Variants in ZBTB44 observed in about 807,000 individuals in gnomAD.
ZBTB44 encodes zinc finger and BTB domain-containing protein 44.
ZBTB44 carries 15 observed loss-of-function variants against 54.0 expected under a neutral mutation model. That is an observed-to-expected ratio of 0.28 (90% CI 0.19 to 0.43). ZBTB44 has a LOEUF of 0.43. Among genes scored for constraint, ZBTB44 ranks in the 20% least tolerant of loss-of-function variants. The pLI is 1.00. For missense variants in ZBTB44, 487 were observed against 707.1 expected, an observed-to-expected ratio of 0.69 and a Z score of 3.53; for synonymous variants, 230 against 250.1, an observed-to-expected ratio of 0.92 and a Z score of 0.76.
chr11:130,312,269 T>C (rs1432255499), intron 1 of ZBTB44, among the ~76,000 whole-genome samples: 2 of 152,164 alleles, frequency 1.3e-5, no homozygotes, highest in Non-Finnish European at 2.9e-5. Flanking sequence ...GTCCAAGTTT[T>C]ACCCCAAGAT....
At chr11:130,255,170 A>C (rs1169049441) in intron 2 of ZBTB44, among the ~76,000 whole-genome samples, 1 of 152,166 alleles carries the variant, frequency 6.6e-6, no homozygotes. Flanking sequence ...ACATGTATAC[A>C]TATGTAACAA....
intron 1 of ZBTB44, among the ~76,000 whole-genome samples, chr11:130,294,784 T>G (rs181604817): frequency 3.9e-5 from 6 of 152,270 alleles, no homozygotes; most frequent in African/African-American, 1.4e-4. Context: ...ATATCTGCTA[T>G]TCACATCATA....
chr11:130,281,289 G>C (rs1940478420), intron 1 of ZBTB44, among the ~76,000 whole-genome samples: 1 of 152,088 alleles, frequency 6.6e-6, no homozygotes, highest in African/African-American at 2.4e-5. Context: ...GGAGGCCGAG[G>C]TGGGAGGATC....
intron 1 of ZBTB44, among the ~76,000 whole-genome samples, chr11:130,298,991 G>A (rs1941840974): frequency 6.6e-6 from 1 of 152,044 alleles, no homozygotes; most frequent in African/African-American, 2.4e-5. Flanking sequence ...GCAGAGGTGA[G>A]AGGATTTGTT....
rs1953756738 is a variant in ZBTB44, at chr11:130,228,263, A to AT, written c.*3500_*3501insA. 6.6e-6 allele frequency: 1 copy of AT among 152,172 alleles called. No individual in the cohort carries two copies. Among genetic ancestry groups the AT allele is most frequent in the Non-Finnish European group, 1.5e-5 (1 of 68,034 alleles). The allele number at this position is 152,172 out of a possible 1,614,324, so 9.4% of individuals were successfully genotyped here. Reference sequence around the variant, plus strand: ...TTTTTAAAAAATACCTTGAGATATAAGCATTAGAAGTCATCACTTTGTACA... The same window carrying AT: ...TTTTTAAAAAATACCTTGAGATATAATGCATTAGAAGTCATCACTTTGTACA... On this transcript the variant is annotated 3_prime_UTR_variant, in exon 8 of 8. Transcript: ENST00000357899.
intron 2 of ZBTB44, among the ~76,000 whole-genome samples, chr11:130,243,714 C>T (rs1356787524): frequency 6.6e-6 from 1 of 152,192 alleles, no homozygotes; most frequent in Non-Finnish European, 1.5e-5. Flanking sequence ...CGCTAGGTCA[C>T]TGAATACATT....
At chr11:130,274,221 T>C (rs1393247203) in intron 1 of ZBTB44, among the ~76,000 whole-genome samples, 1 of 152,218 alleles carries the variant, frequency 6.6e-6, no homozygotes, top group Non-Finnish European at 1.5e-5. Context: ...GAGCGTCATG[T>C]TGGTGCTCAA....
chr11:130,234,289 A>G lies in ZBTB44; in HGVS notation c.1569-16T>C. The stretch of plus-strand genomic sequence containing the variant: ...TAGGAAATCACTAGATAAGAGGCAA[A>G]GGATGAAATATGGAATTAATTTTCA... On this transcript the variant is annotated splice_polypyrimidine_tract_variant and intron_variant, in intron 5 of 7. Transcript: ENST00000357899. The G allele has an allele frequency of 6.6e-7, 1 of 1,514,722 alleles. No individual in the cohort carries two copies. Among genetic ancestry groups the G allele is most frequent in the Non-Finnish European group, 8.8e-7 (1 of 1,130,336 alleles). 93.8% of individuals were successfully genotyped at this position (1,514,722 alleles called of 1,614,324 possible). A position where few individuals can be genotyped will look rare whatever the true frequency, so the allele number is the denominator to read the frequency against.
intron 1 of ZBTB44, among the ~76,000 whole-genome samples, chr11:130,276,350 A>G (rs1940097111): frequency 6.6e-6 from 1 of 151,830 alleles, no homozygotes; most frequent in Admixed American, 6.6e-5. Flanking sequence ...TTGCTGGGTG[A>G]AGTGTTCCAT....
intron 5 of ZBTB44, among the ~76,000 whole-genome samples, chr11:130,235,578 G>C (rs1280283923): frequency 1.3e-5 from 2 of 152,052 alleles, no homozygotes; most frequent in African/African-American, 4.8e-5. Flanking sequence ...GACCTCAGGA[G>C]TTCGAGGCTG....
At chr11:130,311,098 C>T (rs754910293) in intron 1 of ZBTB44, among the ~76,000 whole-genome samples, 19 of 152,040 alleles carry the variant, frequency 1.2e-4, no homozygotes, top group Non-Finnish European at 2.4e-4. Context: ...AGTCTAAATA[C>T]GAAAATAAAT....
At chr11:130,234,412 G>T (rs1954018008) in intron 5 of ZBTB44, 139 bp from the exon 6 acceptor site, 5 of 1,017,678 alleles carry the variant, frequency 4.9e-6, no homozygotes, top group African/African-American at 1.7e-5. Context: ...TAAAACTCAG[G>T]AACTTTCAAC....
chr11:130,291,358 C>G (rs1486532343), intron 1 of ZBTB44, among the ~76,000 whole-genome samples: 1 of 152,114 alleles, frequency 6.6e-6, no homozygotes. Context: ...AGGCTGGTCT[C>G]GAGCTCCTGA....
chr11:130,298,978 G>A (rs187954875), intron 1 of ZBTB44, among the ~76,000 whole-genome samples: 74 of 152,170 alleles, frequency 4.9e-4, no homozygotes, highest in African/African-American at 1.7e-3. Context: ...AGCTACTTGG[G>A]AGGCAGAGGT....
At position 130,255,919 on chromosome 11, in the gene ZBTB44, A is replaced by AC. The variant is rs1181227702; in HGVS notation, c.1018+4936_1018+4937insG. On this transcript the variant is annotated intron_variant, in intron 2 of 7. Transcript: ENST00000357899. Reference sequence around the variant, plus strand: ...ACCTCAAAAAAAAAAAAAAAAAAAAAAACACCCCTTCATGCTATAAACTCT... The same window carrying AC: ...ACCTCAAAAAAAAAAAAAAAAAAAAACAACACCCCTTCATGCTATAAACTCT... Among the ~76,000 whole-genome samples the AC allele has an allele frequency of 1.6e-3, 212 of 131,298 alleles. 3 individuals carry two copies. The highest frequency in any genetic ancestry group is 2.9e-3 in the South Asian group (12 of 4,170). 86.1% of individuals were successfully genotyped at this position (131,298 alleles called of 152,430 possible).
intron 1 of ZBTB44, chr11:130,310,438 G>C (rs1942522797): frequency 6.6e-6 from 1 of 151,392 alleles, no homozygotes; most frequent in South Asian, 2.1e-4. Flanking sequence ...AATAGCCACT[G>C]CACTCCAGCC....
At chr11:130,283,645 C>A (rs11222028) in intron 1 of ZBTB44, among the ~76,000 whole-genome samples, 151,549 of 152,254 alleles carry the variant, frequency 1, 75,427 homozygotes, top group Middle Eastern at 1. Context: ...AATGAGAAGG[C>A]ATCTTGATTT....
At position 130,270,611 on chromosome 11, in the gene ZBTB44, TAAG is replaced by T. The variant is rs557903533; in HGVS notation, c.-56-8685_-56-8683del. 2.8e-3 allele frequency among the ~76,000 whole-genome samples: 431 copies of T among 151,844 alleles called. 1 individual carries two copies. Among genetic ancestry groups the T allele is most frequent in the Non-Finnish European group, 4.4e-3 (296 of 68,014 alleles). On this transcript the variant is annotated intron_variant, in intron 1 of 7. Transcript: ENST00000357899. ...GAGTAGAAGAGTCCTATCTGCCTTT[TAAG>T]AAGATTTCTTGGTGGCAGCAGTGAG...
chr11:130,261,118 C>T lies in ZBTB44; in HGVS notation c.756G>A (p.Arg252=), dbSNP rs964517690. Reference sequence around the variant, plus strand: ...CAGATGGGCCAGGTAATTCTAAAGTCCGGGTATTTTCTGCTTGCTTAACTT... The same window carrying T: ...CAGATGGGCCAGGTAATTCTAAAGTTCGGGTATTTTCTGCTTGCTTAACTT... The part of the protein sequence containing the change: ...PEKVKQAENT[R]TLELPGPSET... Residue 252 remains arginine (R), a synonymous_variant, in exon 2 of 8, where the codon CGG becomes CGA. Transcript: ENST00000357899. This position sits in a 1 kb window ranked among gnomAD's most constrained non-coding sequence, Gnocchi z 4.8. 1 of 1,613,982 alleles carries T rather than the reference C, an allele frequency of 6.2e-7. No individual in the cohort carries two copies. Among genetic ancestry groups the T allele is most frequent in the Admixed American group, 1.7e-5 (1 of 60,016 alleles).
Sources: allele counts gnomAD v4.1 joint callset (sites outside exome capture counted in the v4.1 genomes callset), GRCh38; gene constraint gnomAD v4.1.1; non-coding constraint Gnocchi (gnomAD v3.1); transcripts MANE v1.5; gene names NCBI Gene and HGNC (gene_info 2026-07-23, HGNC 2026-07-21).